The following ESRRG variants were observed in gnomAD, a reference collection of about 807,000 sequenced individuals.
ESRRG encodes the protein estrogen-related receptor gamma.
A neutral mutation model predicts 44.0 loss-of-function variants in ESRRG; 13 were observed. That is an observed-to-expected ratio of 0.30 (90% CI 0.19 to 0.47). The LOEUF is 0.47. Among genes scored for constraint, ESRRG ranks in the 20% least tolerant of loss-of-function variants. The pLI, the probability that ESRRG is intolerant of heterozygous loss-of-function variation, is 1.00. For missense variants in ESRRG, 395 were observed against 580.6 expected (o/e 0.68, Z 3.29); for synonymous variants, 215 against 214.6 (o/e 1.00, Z -0.02).
chr1:216,669,731 C>T (rs1036916140), intron 2 of ESRRG, among the ~76,000 whole-genome samples: 14 of 152,036 alleles, frequency 9.2e-5, no homozygotes, highest in African/African-American at 2.4e-5. Context: ...ACTAAAAATA[C>T]AAAAATTAGC....
At chr1:216,536,266 T>C (rs1233029382) in intron 5 of ESRRG, among the ~76,000 whole-genome samples, 1 of 152,010 alleles carries the variant, frequency 6.6e-6, no homozygotes, top group Non-Finnish European at 1.5e-5. Flanking sequence ...ATATTTCTGG[T>C]TTTTTACAGG....
intron 2 of ESRRG, among the ~76,000 whole-genome samples, chr1:216,828,762 T>C (rs968677410): frequency 5.9e-5 from 9 of 152,098 alleles, no homozygotes; most frequent in African/African-American, 1.9e-4. Flanking sequence ...CAGTGACCAA[T>C]AACTTTGTTG....
intron 2 of ESRRG, among the ~76,000 whole-genome samples, chr1:216,773,989 G>T (rs2093489138): frequency 6.6e-6 from 1 of 152,054 alleles, no homozygotes; most frequent in Non-Finnish European, 1.5e-5. Context: ...ATGATCTTTT[G>T]TTTATATACC....
chr1:216,544,492 A>C (rs953332982), intron 5 of ESRRG, among the ~76,000 whole-genome samples: 5 of 152,066 alleles, frequency 3.3e-5, no homozygotes, highest in African/African-American at 9.7e-5. Context: ...ACCCAAACCC[A>C]CATTACACAG....
chr1:216,994,656 A>G (rs2076149884), intron 1 of ESRRG, among the ~76,000 whole-genome samples: 1 of 151,914 alleles, frequency 6.6e-6, no homozygotes, highest in Admixed American at 6.6e-5. Flanking sequence ...ATGTCGGCTC[A>G]CTGCAAGCTC....
chr1:216,522,721 A>C (rs760099706), intron 5 of ESRRG, among the ~76,000 whole-genome samples: 63 of 84,330 alleles, frequency 7.5e-4, no homozygotes, highest in Non-Finnish European at 1.6e-3. Context: ...TGGATAAAAT[A>C]ACATTTTTAT....
At chr1:216,733,708 A>G (rs2089309231) in intron 2 of ESRRG, among the ~76,000 whole-genome samples, 1 of 152,008 alleles carries the variant, frequency 6.6e-6, no homozygotes, top group Non-Finnish European at 1.5e-5. Flanking sequence ...AAACACTCTC[A>G]GTCTGGGCGC....
chr1:216,916,156 C>A (rs1313815464), intron 2 of ESRRG, among the ~76,000 whole-genome samples: 1 of 152,104 alleles, frequency 6.6e-6, no homozygotes, highest in Non-Finnish European at 1.5e-5. Flanking sequence ...TTCAGAGAAG[C>A]AATTGAGTTG....
chr1:216,587,097 T>C (rs1346211621), intron 3 of ESRRG, among the ~76,000 whole-genome samples: 1 of 152,212 alleles, frequency 6.6e-6, no homozygotes, highest in Non-Finnish European at 1.5e-5. Flanking sequence ...AAAATAGCTG[T>C]ATATTTCATG....
chr1:216,510,614 G>A (rs111850495), intron 6 of ESRRG, among the ~76,000 whole-genome samples: 70 of 152,214 alleles, frequency 4.6e-4, no homozygotes, highest in African/African-American at 1.6e-3. Flanking sequence ...GGCCAGGTGC[G>A]GTGGCTCACG....
At chr1:217,039,854 A>T (rs1040714250) in intron 1 of ESRRG, among the ~76,000 whole-genome samples, 2 of 151,008 alleles carry the variant, frequency 1.3e-5, no homozygotes, top group African/African-American at 4.8e-5. Flanking sequence ...TGTTTTTTCC[A>T]CCCCATCCCA....
chr1:217,122,083 A>G (rs2092827678), intron 1 of ESRRG, among the ~76,000 whole-genome samples: 1 of 152,242 alleles, frequency 6.6e-6, no homozygotes, highest in Non-Finnish European at 1.5e-5. Flanking sequence ...CAGATGGGCC[A>G]GATCAATCAT....
intron 5 of ESRRG, among the ~76,000 whole-genome samples, chr1:216,520,336 T>C (rs1284449621): frequency 6.6e-6 from 1 of 152,152 alleles, no homozygotes; most frequent in Non-Finnish European, 1.5e-5. Flanking sequence ...TGTTGTATGA[T>C]TAATATATGT....
intron 1 of ESRRG, among the ~76,000 whole-genome samples, chr1:216,683,413 T>G (rs1035561062): frequency 5.3e-5 from 8 of 152,330 alleles, no homozygotes; most frequent in African/African-American, 1.9e-4. Context: ...GATTTAGATT[T>G]AGTAATGCTG....
At chr1:217,097,194 A>G (rs2092437223) in intron 1 of ESRRG, among the ~76,000 whole-genome samples, 1 of 152,106 alleles carries the variant, frequency 6.6e-6, no homozygotes, top group African/African-American at 2.4e-5. Flanking sequence ...TTACACTTTC[A>G]CAGACCCATG....
intron 2 of ESRRG, among the ~76,000 whole-genome samples, chr1:216,672,141 T>TCAGAAGA (rs2075315434): frequency 6.6e-6 from 1 of 152,056 alleles, no homozygotes; most frequent in South Asian, 2.1e-4. Flanking sequence ...AGAATAACAA[T>TCAGAAGA]ATCACATCCC....
chr1:216,960,984 C>T (rs1196853455), intron 1 of ESRRG, among the ~76,000 whole-genome samples: 1 of 152,256 alleles, frequency 6.6e-6, no homozygotes, highest in African/African-American at 2.4e-5. Flanking sequence ...TTTGTTTGCT[C>T]ATCCTTTTGC....
rs188931773 is a variant in ESRRG, at chr1:216,778,415, G to C, written c.-13-100924C>G. Among the ~76,000 whole-genome samples, 21 of 152,096 alleles carry C rather than the reference G, an allele frequency of 1.4e-4. No homozygotes were observed. The East Asian group carries it at 3.5e-3, about 25-fold the overall frequency. ...CTGTGAACCATCACTTTTGGTAGCA[G>C]AGGGAATGAATTTCTTGGTCCTGGA... is the stretch of plus-strand genomic sequence containing the variant. On this transcript the variant is annotated intron_variant, in intron 2 of 7. Coordinates refer to the ESRRG transcript ENST00000359162.
At chr1:216,906,508 G>T (rs1316904989) in intron 2 of ESRRG, among the ~76,000 whole-genome samples, 2 of 152,068 alleles carry the variant, frequency 1.3e-5, no homozygotes, top group African/African-American at 2.4e-5. Context: ...AAGCCCTCCC[G>T]TGCCTCACCC....
Sources: allele counts gnomAD v4.1 joint callset (sites outside exome capture counted in the v4.1 genomes callset), GRCh38; gene constraint gnomAD v4.1.1; transcripts MANE v1.5; gene names NCBI Gene and HGNC (gene_info 2026-07-23, HGNC 2026-07-21).